The following FAM24B variants were observed in gnomAD, a reference collection of about 807,000 sequenced individuals.
The protein encoded by FAM24B is protein FAM24B.
In FAM24B, 3 loss-of-function variants were observed where a neutral mutation model predicts 2.3. That is an observed-to-expected ratio of 1.29 (90% CI 0.59 to 3.32). The LOEUF is 3.32. Ranked by LOEUF, FAM24B falls within the 30% of genes most tolerant of loss-of-function variation. FAM24B has a pLI of 0.03. For synonymous variants in FAM24B, 36 were observed against 46.3 expected (o/e 0.78, Z 0.90); for missense variants, 98 against 117.2 (o/e 0.84, Z 0.76).
chr10:122,869,261 C>T (rs944045248), intron 1 of FAM24B, among the ~76,000 whole-genome samples: 4 of 152,214 alleles, frequency 2.6e-5, no homozygotes, highest in Admixed American at 2.6e-4. Context: ...GCACCCAGTA[C>T]AGGAGCACCC....
At chr10:122,878,896 G>C (rs1223338337) in intron 1 of FAM24B, among the ~76,000 whole-genome samples, 1 of 151,838 alleles carries the variant, frequency 6.6e-6, no homozygotes, top group Non-Finnish European at 1.5e-5. Context: ...TGAAGTTTCA[G>C]ATAGGTAATT....
chr10:122,857,170 A>G (rs1159792052), intron 1 of FAM24B, among the ~76,000 whole-genome samples: 2 of 152,102 alleles, frequency 1.3e-5, no homozygotes, highest in African/African-American at 4.8e-5. Flanking sequence ...AAAAGGGCTC[A>G]ACTAATAAGG....
intron 2 of FAM24B, among the ~76,000 whole-genome samples, chr10:122,854,516 T>C (rs1246592124): frequency 6.6e-6 from 1 of 152,236 alleles, no homozygotes; most frequent in Non-Finnish European, 1.5e-5. Flanking sequence ...AACTCTATTA[T>C]TCAAAGGCCA....
At chr10:122,877,626 TCTC>T (rs1316309135) in intron 1 of FAM24B, among the ~76,000 whole-genome samples, 1 of 152,138 alleles carries the variant, frequency 6.6e-6, no homozygotes, top group Admixed American at 6.5e-5. Context: ...CCCAGGCTCC[TCTC>T]CTCCTGCCAG....
chr10:122,867,521 C>T (rs1478859838), intron 1 of FAM24B, among the ~76,000 whole-genome samples: 1 of 152,206 alleles, frequency 6.6e-6, no homozygotes, highest in African/African-American at 2.4e-5. Context: ...CCCTGAGTAG[C>T]CTAACTGGGA....
chr10:122,862,532 T>C (rs1847741564), intron 1 of FAM24B, among the ~76,000 whole-genome samples: 1 of 152,186 alleles, frequency 6.6e-6, no homozygotes, highest in South Asian at 2.1e-4. Context: ...GTATTTCTTA[T>C]TTTTCTATAA....
At chr10:122,857,812 A>G (rs1847663216) in intron 1 of FAM24B, among the ~76,000 whole-genome samples, 1 of 152,206 alleles carries the variant, frequency 6.6e-6, no homozygotes, top group African/African-American at 2.4e-5. Flanking sequence ...TCTAGGCCTT[A>G]AACTGTCAAA....
In FAM24B at chr10:122,871,439, A is replaced by G. The variant is rs540863840; in HGVS notation, c.-178+8046T>C. On this transcript the variant is annotated intron_variant, in intron 1 of 3. Coordinates refer to ENST00000368898, the MANE Select transcript of FAM24B (RefSeq NM_152644.3). ...TTCACAGAATTGGAAAAAACTACTT[A>G]AAAGTTCATATGGAACCAAAAAAGA... Among the ~76,000 whole-genome samples, 13 of 151,846 alleles carry G rather than the reference A, an allele frequency of 8.6e-5. No homozygotes were observed. In the South Asian group the frequency reaches 2.7e-3, roughly 32 times the overall value.
At chr10:122,863,954 G>A (rs1048040097) in intron 1 of FAM24B, among the ~76,000 whole-genome samples, 4 of 152,146 alleles carry the variant, frequency 2.6e-5, no homozygotes, top group African/African-American at 9.7e-5. Context: ...CAGTCCCTGT[G>A]GAAAAAGGGA....
intron 1 of FAM24B, among the ~76,000 whole-genome samples, chr10:122,870,240 A>C (rs1847871189): frequency 6.6e-6 from 1 of 152,230 alleles, no homozygotes; most frequent in Admixed American, 6.5e-5. Flanking sequence ...AACCAGAAAG[A>C]AGTTGAATCT....
rs1199824086 is a variant in FAM24B, at chr10:122,860,183, GCCCCTACAGTCAGCTTCT to G, written c.-177-4415_-177-4398del. ...TCACCTTAAAAAGTTCCCTTCTGTGGCCCCTACAGTCAGCTTCTCCCCTATATGCCACCACTTGGCAAC... is the reference window on the plus strand; with the variant it reads ...TCACCTTAAAAAGTTCCCTTCTGTGGCCCCTATATGCCACCACTTGGCAAC... On this transcript the variant is annotated intron_variant, in intron 1 of 3. Coordinates refer to ENST00000368898, the MANE Select transcript of FAM24B (RefSeq NM_152644.3). Among the ~76,000 whole-genome samples, 5 of 152,214 alleles carry G rather than the reference GCCCCTACAGTCAGCTTCT, an allele frequency of 3.3e-5. No individual in the cohort carries two copies. In the East Asian group the frequency reaches 5.8e-4, roughly 18 times the overall value.
intron 1 of FAM24B, among the ~76,000 whole-genome samples, chr10:122,864,314 A>G (rs1259730795): frequency 2.0e-5 from 3 of 152,204 alleles, no homozygotes; most frequent in Non-Finnish European, 4.4e-5. Context: ...CAGGTATTAC[A>G]TATTTCACTT....
chr10:122,852,522 C>A (rs1847557926), intron 2 of FAM24B, among the ~76,000 whole-genome samples: 1 of 152,168 alleles, frequency 6.6e-6, no homozygotes, highest in Admixed American at 6.5e-5. Flanking sequence ...TCCACTGACA[C>A]TGCAGTGGAG....
chr10:122,851,560 G>C (rs1163895986), intron 2 of FAM24B, among the ~76,000 whole-genome samples: 3 of 152,202 alleles, frequency 2.0e-5, no homozygotes, highest in African/African-American at 7.2e-5. Flanking sequence ...ACCAATGGAA[G>C]TAGATATGCC....
chr10:122,875,469 G>A (rs993479109), intron 1 of FAM24B, among the ~76,000 whole-genome samples: 1 of 151,968 alleles, frequency 6.6e-6, no homozygotes, highest in African/African-American at 2.4e-5. Context: ...GCCTTTTACC[G>A]TGCTTTGTAA....
At chr10:122,860,849 T>A (rs1264424943) in intron 1 of FAM24B, among the ~76,000 whole-genome samples, 2 of 152,220 alleles carry the variant, frequency 1.3e-5, no homozygotes, top group Non-Finnish European at 2.9e-5. Flanking sequence ...AGTATCTTTT[T>A]AGCTCTTTTG....
At chr10:122,857,699 A>T (rs1288806307) in intron 1 of FAM24B, among the ~76,000 whole-genome samples, 1 of 152,198 alleles carries the variant, frequency 6.6e-6, no homozygotes, top group African/African-American at 2.4e-5. Context: ...TTTTCTCCAA[A>T]GCACTCATCA....
At chr10:122,850,842 G>T in intron 2 of FAM24B, 1 of 272,220 alleles carries the variant, frequency 3.7e-6, no homozygotes, top group South Asian at 4.9e-5. Flanking sequence ...TCACAGGTGT[G>T]ATATGCGGCT....
chr10:122,869,838 A>T (rs1296594695), intron 1 of FAM24B, among the ~76,000 whole-genome samples: 2 of 152,230 alleles, frequency 1.3e-5, no homozygotes, highest in African/African-American at 2.4e-5. Flanking sequence ...AGGAGGGAAG[A>T]TCTAAAATTG....
Sources: gnomAD v4.1 joint callset for allele counts (sites outside exome capture counted in the v4.1 genomes callset) on GRCh38, gnomAD v4.1.1 for gene constraint, MANE v1.5 for transcripts, NCBI Gene and HGNC (gene_info 2026-07-23, HGNC 2026-07-21) for gene names.